The following DLG2 variants were observed in gnomAD, a reference collection of about 807,000 sequenced individuals.
The protein encoded by DLG2 is disks large homolog 2.
In DLG2, 45 loss-of-function variants were observed where a neutral mutation model predicts 132.5. The ratio of observed to expected loss-of-function variants is 0.34; its 90% CI spans 0.27 to 0.44. DLG2 has a LOEUF of 0.44. DLG2 is among the 20% of genes least tolerant of loss of function. DLG2 has a pLI of 1.00. For missense variants in DLG2, 1,045 were observed against 1,196.9 expected (o/e 0.87, Z 1.87); for synonymous variants, 424 against 419.6 (o/e 1.01, Z -0.13).
chr11:83,823,672 C>T (rs1430074475), intron 17 of DLG2, among the ~76,000 whole-genome samples: 1 of 151,570 alleles, frequency 6.6e-6, no homozygotes, highest in Non-Finnish European at 1.5e-5. Context: ...TTCATTCATT[C>T]ATTCGTTCAT....
chr11:84,035,938 T>C (rs990234821), intron 11 of DLG2, among the ~76,000 whole-genome samples: 14 of 152,154 alleles, frequency 9.2e-5, no homozygotes, highest in African/African-American at 3.4e-4. Context: ...AGCAACTGGA[T>C]ATCATTTGAT....
chr11:84,391,855 A>G (rs1358755192), intron 7 of DLG2, among the ~76,000 whole-genome samples: 2 of 151,678 alleles, frequency 1.3e-5, no homozygotes, highest in African/African-American at 4.8e-5. Context: ...TTTGGCTCAC[A>G]GTGGATTTTA....
intron 7 of DLG2, among the ~76,000 whole-genome samples, chr11:84,318,946 G>A (rs1450244694): frequency 6.6e-6 from 1 of 152,086 alleles, no homozygotes; most frequent in East Asian, 1.9e-4. Context: ...AGAAATGAAG[G>A]AGTTGATACA....
At chr11:84,495,236 T>C (rs2099178433) in intron 7 of DLG2, among the ~76,000 whole-genome samples, 1 of 152,134 alleles carries the variant, frequency 6.6e-6, no homozygotes, top group South Asian at 2.1e-4. Context: ...TACTACTGCC[T>C]CAAAGTCCTT....
intron 21 of DLG2, among the ~76,000 whole-genome samples, chr11:83,485,271 G>C (rs1243448075): frequency 6.6e-6 from 1 of 152,094 alleles, no homozygotes; most frequent in East Asian, 1.9e-4. Flanking sequence ...TTACCTAGAA[G>C]ACTCCCTAAG....
chr11:83,647,629 T>C (rs1432460797), intron 18 of DLG2: 1 of 152,196 alleles, frequency 6.6e-6, no homozygotes, highest in Non-Finnish European at 1.5e-5. Flanking sequence ...TCAGCTCTGA[T>C]GTGTCATTTT....
At chr11:85,130,436 C>A (rs917104424) in intron 5 of DLG2, among the ~76,000 whole-genome samples, 4 of 152,038 alleles carry the variant, frequency 2.6e-5, no homozygotes, top group Admixed American at 1.3e-4. Flanking sequence ...CAGTGAGGGA[C>A]TTTCATGCCA....
intron 6 of DLG2, among the ~76,000 whole-genome samples, chr11:84,839,582 G>A (rs1442322006): frequency 1.3e-5 from 2 of 152,090 alleles, no homozygotes; most frequent in Non-Finnish European, 2.9e-5. Flanking sequence ...CATGCAACCT[G>A]ACTTCAAACT....
rs2082060947 is a variant in DLG2 at position 85,335,414 on chromosome 11, C to T, written c.41-50049G>A. ...TTATTGGGGCATTTAGCCCATTTACCTTCAAGGTTATATTGATATGTGAGG... is the reference window on the plus strand; with the variant it reads ...TTATTGGGGCATTTAGCCCATTTACTTTCAAGGTTATATTGATATGTGAGG... On this transcript the variant is annotated intron_variant, in intron 3 of 27. Transcript: ENST00000376104. Among the ~76,000 whole-genome samples the T allele has an allele frequency of 2.6e-5, 4 of 152,070 alleles. No homozygotes were observed. In the South Asian group the frequency reaches 6.2e-4, roughly 24 times the overall value.
chr11:84,637,798 T>G (rs1290243190), intron 6 of DLG2, among the ~76,000 whole-genome samples: 1 of 152,330 alleles, frequency 6.6e-6, no homozygotes, highest in South Asian at 2.1e-4. Flanking sequence ...TGGTTTACAG[T>G]GCGATGCAGT....
intron 8 of DLG2, among the ~76,000 whole-genome samples, chr11:84,175,613 C>G (rs2095940893): frequency 6.6e-6 from 1 of 152,072 alleles, no homozygotes. Flanking sequence ...ATTCATCAAT[C>G]AACAAATATT....
At chr11:85,010,953 A>C (rs1010860543) in intron 6 of DLG2, among the ~76,000 whole-genome samples, 1 of 152,152 alleles carries the variant, frequency 6.6e-6, no homozygotes. Flanking sequence ...TTATAAAAAG[A>C]TTTTACTTAC....
rs2088812743 is a variant in DLG2 at position 83,455,521 on chromosome 11, A to C, written c.*4297T>G. The C allele has an allele frequency of 6.6e-6, 1 of 152,624 alleles. No homozygotes were observed. Among genetic ancestry groups the C allele is most frequent in the Non-Finnish European group, 1.5e-5 (1 of 68,034 alleles). The allele number at this position is 152,624 out of a possible 1,614,324, so 9.5% of individuals were successfully genotyped here. On this transcript the variant is annotated 3_prime_UTR_variant, in exon 28 of 28. Transcript: ENST00000376104. ...TGTCTGTCCTCATGAGTTGCTAGGGAGATACTATACTCTTTAGATGATCTT... is the reference window on the plus strand; with the variant it reads ...TGTCTGTCCTCATGAGTTGCTAGGGCGATACTATACTCTTTAGATGATCTT...
At chr11:85,298,792 T>C (rs1341058172) in intron 3 of DLG2, among the ~76,000 whole-genome samples, 2 of 151,862 alleles carry the variant, frequency 1.3e-5, no homozygotes, top group African/African-American at 4.9e-5. Flanking sequence ...ATTGCAGTTA[T>C]ATAACAGATT....
chr11:84,451,442 G>T (rs1015817045), intron 7 of DLG2, among the ~76,000 whole-genome samples: 7 of 151,664 alleles, frequency 4.6e-5, no homozygotes, highest in Non-Finnish European at 1.0e-4. Context: ...TTGCCCTTGG[G>T]AGCTTATGCT....
At chr11:84,180,024 A>C (rs2096074240) in intron 8 of DLG2, among the ~76,000 whole-genome samples, 1 of 152,184 alleles carries the variant, frequency 6.6e-6, no homozygotes. Flanking sequence ...ATGACCAGGC[A>C]TACTAAAAAT....
chr11:85,460,192 C>A (rs542191996), intron 3 of DLG2, among the ~76,000 whole-genome samples: 7 of 152,312 alleles, frequency 4.6e-5, no homozygotes, highest in Non-Finnish European at 8.8e-5. Flanking sequence ...CTGGATTCAG[C>A]CACTTTCCTG....
At chr11:84,299,015 C>T (rs1038187879) in intron 7 of DLG2, among the ~76,000 whole-genome samples, 3 of 152,140 alleles carry the variant, frequency 2.0e-5, no homozygotes, top group Admixed American at 1.3e-4. Context: ...CATAAATAAA[C>T]GTTCACGAAA....
chr11:83,640,660 T>C (rs757133679), intron 18 of DLG2, among the ~76,000 whole-genome samples: 5 of 152,198 alleles, frequency 3.3e-5, no homozygotes, highest in Non-Finnish European at 5.9e-5. Context: ...GGATAGTGCA[T>C]AGTTACTTGT....
Sources: allele counts gnomAD v4.1 joint callset (sites outside exome capture counted in the v4.1 genomes callset), GRCh38; gene constraint gnomAD v4.1.1; transcripts MANE v1.5; gene names NCBI Gene and HGNC (gene_info 2026-07-23, HGNC 2026-07-21).